The following IQGAP1 variants were observed in gnomAD, a reference collection of about 807,000 sequenced individuals.
IQGAP1 encodes the protein ras GTPase-activating-like protein IQGAP1.
A neutral mutation model predicts 215.6 loss-of-function variants in IQGAP1; 66 were observed. The ratio of observed to expected loss-of-function variants is 0.31; its 90% confidence interval spans 0.25 to 0.38. The LOEUF (loss-of-function observed/expected upper bound fraction) is 0.38. Ranked by LOEUF, IQGAP1 falls within the 10% of genes least tolerant of loss-of-function variation. The probability of loss-of-function intolerance (pLI) is 1.00; values close to 1 mark genes in which losing one functional copy is unlikely to be tolerated. For synonymous variants in IQGAP1, 772 were observed against 728.7 expected (o/e 1.06, Z -0.96); for missense variants, 1,712 against 1,997.1 (o/e 0.86, Z 2.72).
chr15:90,390,487 A>G (rs977999880), intron 1 of IQGAP1, among the ~76,000 whole-genome samples: 5 of 152,262 alleles, frequency 3.3e-5, no homozygotes, highest in Non-Finnish European at 5.9e-5. Context: ...GTTCTGGCAG[A>G]TAGGGACAGA....
chr15:90,473,832 G>A (rs201239463), intron 20 of IQGAP1, 34 bp downstream of exon 20: 4 of 1,609,672 alleles, frequency 2.5e-6, no homozygotes, highest in Admixed American at 1.7e-5. Context: ...CTCCATGAGG[G>A]GCACAGGTAT....
At position 90,388,411 on chromosome 15, in the gene IQGAP1, C is replaced by T. The variant is rs749305757; in HGVS notation, c.55+15C>T. 14 of 1,567,046 alleles carry T rather than the reference C, an allele frequency of 8.9e-6. 1 individual carries two copies. The East Asian group carries it at 3.3e-4, about 37-fold the overall frequency. On this transcript the variant is annotated intron_variant, in intron 1 of 37. Transcript: ENST00000268182. ...GCACTATGGCTGTGAGTGCGGGGCTCCGCGGCGCGGGGGCTTCGGGCTGGG... is the reference window on the plus strand; with the variant it reads ...GCACTATGGCTGTGAGTGCGGGGCTTCGCGGCGCGGGGGCTTCGGGCTGGG...
chr15:90,466,762 A>G (rs1249734937), intron 17 of IQGAP1, among the ~76,000 whole-genome samples: 1 of 152,214 alleles, frequency 6.6e-6, no homozygotes, highest in African/African-American at 2.4e-5. Context: ...AGGGAAAGAA[A>G]TAAGATTTCT....
In IQGAP1 at chr15:90,452,763, T is replaced by G. The variant is rs1596273788; in HGVS notation, c.1163-12T>G. ...AAGCCCACTGCGTTTCTGACTCCTG[T>G]TTTTTACACAGGATTGGCAGCAGTA... On this transcript the variant is annotated splice_polypyrimidine_tract_variant and intron_variant, in intron 11 of 37. Transcript: ENST00000268182. 2 of 1,613,050 alleles carry G rather than the reference T, an allele frequency of 1.2e-6. No homozygotes were observed.
rs1364908383 is a variant in IQGAP1 at position 90,483,648 on chromosome 15, G to A, written c.3788+55G>A. ...AGTCTGTGGATGTATTTTTATTGTT[G>A]AGGGGAAAAATAAGATTAAAAACCA... On this transcript the variant is annotated intron_variant, in intron 29 of 37. Transcript: ENST00000268182. The A allele has an allele frequency of 1.0e-5, 13 of 1,291,996 alleles. No individual in the cohort carries two copies. The Admixed American group carries it at 1.6e-4, about 16-fold the overall frequency. 80.0% of individuals were successfully genotyped at this position (1,291,996 alleles called of 1,614,324 possible).
In IQGAP1 at chr15:90,461,613, C is replaced by T. The variant is rs112165092; in HGVS notation, c.1777-4388C>T. Among the ~76,000 whole-genome samples the T allele has an allele frequency of 7.1e-3, 1,087 of 152,130 alleles. 12 individuals carry two copies. The highest frequency in any genetic ancestry group is 0.025 in the African/African-American group (1,032 of 41,506). Reference sequence around the variant, plus strand: ...CGGCACTTTGGGAGGTCAAGGCAGGCGGATCACTTGAGGTCAGGAGTTTGA... The same window carrying T: ...CGGCACTTTGGGAGGTCAAGGCAGGTGGATCACTTGAGGTCAGGAGTTTGA... On this transcript the variant is annotated intron_variant, in intron 15 of 37. Transcript: ENST00000268182.
intron 5 of IQGAP1, among the ~76,000 whole-genome samples, chr15:90,434,444 AAAT>A (rs896120115): frequency 1.1e-4 from 17 of 152,026 alleles, no homozygotes; most frequent in Admixed American, 3.9e-4. Flanking sequence ...ATCTAAAAAA[AAAT>A]AATAATAATC....
chr15:90,456,910 ATG>A (rs199528783), intron 15 of IQGAP1, among the ~76,000 whole-genome samples: 351 of 113,130 alleles, frequency 3.1e-3, no homozygotes, highest in African/African-American at 6.6e-3. Context: ...ATATATATAT[ATG>A]TGTGTGTGTG....
intron 17 of IQGAP1, 88 bp from the exon 18 acceptor site, chr15:90,467,354 TAGACTGTG>T: frequency 7.8e-7 from 1 of 1,280,120 alleles, no homozygotes; most frequent in Non-Finnish European, 1.1e-6. Flanking sequence ...GGTCTTCATT[TAGACTGTG>T]AGACTAACTA....
At position 90,477,091 on chromosome 15, in the gene IQGAP1, C is replaced by T; in HGVS notation, c.2965C>T (p.Leu989Phe). Residue 989 changes from leucine (L) to phenylalanine (F), a missense_variant, in exon 25 of 38, where the codon CTC becomes TTC. By Grantham distance (22) the Leu-to-Phe change is conservative. Around this residue, in one of 2 missense-constraint regions of IQGAP1, gnomAD observed 691 missense variants for 923.0 expected, o/e 0.75. Transcript: ENST00000268182. Reference protein sequence around the residue: ...LQTNPTYLAKLIFQMPQNKST... With the variant: ...LQTNPTYLAKFIFQMPQNKST... ...GACCAATCCCACCTATCTGGCCAAGCTCATTTTTCAGATGCCCCAGAACAA... is the reference window on the plus strand; with the variant it reads ...GACCAATCCCACCTATCTGGCCAAGTTCATTTTTCAGATGCCCCAGAACAA... The T allele has an allele frequency of 6.2e-7, 1 of 1,614,156 alleles. No homozygotes were observed. The highest frequency in any genetic ancestry group is 8.5e-7 in the Non-Finnish European group (1 of 1,180,012).
At chr15:90,430,887 A>G (rs1596262923) in intron 4 of IQGAP1, among the ~76,000 whole-genome samples, 1 of 149,262 alleles carries the variant, frequency 6.7e-6, no homozygotes, top group East Asian at 1.9e-4. Context: ...ATTTTGTGCA[A>G]TATATAAATA....
At chr15:90,449,196 G>A (rs760365775) in intron 10 of IQGAP1, among the ~76,000 whole-genome samples, 2 of 151,776 alleles carry the variant, frequency 1.3e-5, no homozygotes, top group Admixed American at 6.6e-5. Context: ...CAAACATGAG[G>A]GGCTTTCTTT....
chr15:90,426,140 G>A lies in IQGAP1; in HGVS notation c.186G>A (p.Leu62=). ...RWMEACLGED[L]PPTTELEEGL... The stretch of plus-strand genomic sequence containing the variant: ...TGGAAGCATGCCTAGGGGAAGATCT[G>A]CCTCCCACCACAGAACTGGAGGAGG... Residue 62 remains leucine, a synonymous_variant, in exon 3 of 38, where the codon CTG becomes CTA. Transcript: ENST00000268182. The A allele has an allele frequency of 6.2e-7, 1 of 1,605,594 alleles. No individual in the cohort carries two copies.
chr15:90,452,900 C>T lies in IQGAP1; in HGVS notation c.1288C>T (p.Gln430Ter). The T allele has an allele frequency of 6.2e-7, 1 of 1,614,100 alleles. No individual in the cohort carries two copies. The highest frequency in any genetic ancestry group is 8.5e-7 in the Non-Finnish European group (1 of 1,180,004). ...GTATCCATTTGCCGCCGATCTCTAT[C>T]AGAAGGAGCTGGCTACCCTGCAGCG... ...QVYPFAADLYQKELATLQRQS... is the reference protein window; with the variant it reads ...QVYPFAADLY The change falls in exon 12 of 38, where the codon CAG (glutamine) becomes TAG (stop). Residue 430 changes from glutamine to a stop codon, truncating the protein, a stop_gained. Transcript: ENST00000268182. LOFTEE classifies it high-confidence loss of function.
Position 90,452,802 on chromosome 15 carries a change from C to T in IQGAP1, c.1190C>T (p.Ala397Val). 3.7e-6 allele frequency: 6 copies of T among 1,614,174 alleles called. No homozygotes were observed. The highest frequency in any genetic ancestry group is 5.1e-6 in the Non-Finnish European group (6 of 1,180,008). ...TTGGCAGCAGTAGCACTGATTAATG[C>T]TGCAATCCAGAAGGGTGTTGCTGAG... The part of the protein sequence containing the change: ...RRLAAVALIN[A>V]AIQKGVAEKT... The change falls in exon 12 of 38, where the codon GCT (alanine) becomes GTT (valine). Residue 397 changes from alanine to valine, a missense_variant. By Grantham distance (64) the Ala-to-Val change is moderately conservative. This residue lies in a region of IQGAP1 where 1,021 missense variants were observed against 1,074.2 expected (regional missense o/e 0.95). Coordinates refer to ENST00000268182, the MANE Select transcript of IQGAP1 (RefSeq NM_003870.4).
intron 7 of IQGAP1, among the ~76,000 whole-genome samples, chr15:90,440,991 C>T (rs1483197907): frequency 6.6e-6 from 1 of 151,962 alleles, no homozygotes; most frequent in Non-Finnish European, 1.5e-5. Flanking sequence ...CCTGTAATCC[C>T]AGCTACTCGG....
rs201380045 is a variant in IQGAP1, at chr15:90,476,859, A to G, written c.2940+41A>G. 322 of 1,570,058 alleles carry G rather than the reference A, an allele frequency of 2.1e-4. No individual in the cohort carries two copies. In the Middle Eastern group the frequency reaches 9.2e-3, roughly 45 times the overall value. ...AATCAGTGTTATAAAAATTTAGTGA[A>G]TTTATTTTTCCACAAGAAAGCCTTA... On this transcript the variant is annotated intron_variant, in intron 24 of 37. Transcript: ENST00000268182.
At chr15:90,395,777 T>C (rs570320926) in intron 2 of IQGAP1, among the ~76,000 whole-genome samples, 22 of 152,288 alleles carry the variant, frequency 1.4e-4, no homozygotes, top group African/African-American at 5.1e-4. Context: ...GAAGAGAACG[T>C]GTCAGGCAGG....
chr15:90,443,468 C>T lies in IQGAP1; in HGVS notation c.903C>T (p.Asn301=), dbSNP rs778223252. 1.0e-5 allele frequency: 16 copies of T among 1,597,488 alleles called. No homozygotes were observed. In the Admixed American group the frequency reaches 1.2e-4, roughly 12 times the overall value. ...AAGCTGAAATTCAAGGCAATATAAA[C>T]AAAGTCAATAGTAAGTATGTTCCTG... ...LTQAEIQGNI[N]KVNTFSALAN... The change falls in exon 9 of 38, where the codon AAC becomes AAT. Residue 301 remains asparagine (N), a synonymous_variant. Coordinates refer to ENST00000268182, the MANE Select transcript of IQGAP1 (RefSeq NM_003870.4).
Sources: gnomAD v4.1 joint callset for allele counts (sites outside exome capture counted in the v4.1 genomes callset) on GRCh38, gnomAD v4.1.1 for gene constraint, gnomAD v4.1.1 regional missense constraint, MANE v1.5 for transcripts, NCBI Gene and HGNC (gene_info 2026-07-23, HGNC 2026-07-21) for gene names.